The following CAV2 variants were observed in gnomAD, a reference collection of about 807,000 sequenced individuals.
The protein encoded by CAV2 is caveolin 2, also known as caveolin-2.
CAV2 carries 7 observed loss-of-function variants against 15.5 expected under a neutral mutation model. That is an observed-to-expected ratio of 0.45 (90% CI 0.26 to 0.85). The LOEUF (loss-of-function observed/expected upper bound fraction) is 0.85, where lower values mean the gene tolerates loss of function less well. CAV2 is among the 40% of genes least tolerant of loss of function. CAV2 has a pLI of 0.18. For synonymous variants in CAV2, 76 were observed against 83.1 expected, an observed-to-expected ratio of 0.91 and a Z score of 0.46; for missense variants, 229 against 208.8, an observed-to-expected ratio of 1.10 and a Z score of -0.60.
intron 2 of CAV2, among the ~76,000 whole-genome samples, chr7:116,502,851 GTCA>G (rs1793135867): frequency 6.6e-6 from 1 of 152,188 alleles, no homozygotes; most frequent in African/African-American, 2.4e-5. Context: ...CCATACTACA[GTCA>G]GACAGAGATA....
chr7:116,505,983 T>C lies in CAV2; in HGVS notation c.351T>C (p.Pro117=), dbSNP rs1315988791. ...TCCTTCCTTCCAGGATTTTAATGCCTTTTGTAAAGACCTGCCTAATGGTTC... is the reference window on the plus strand; with the variant it reads ...TCCTTCCTTCCAGGATTTTAATGCCCTTTGTAAAGACCTGCCTAATGGTTC... ...LSCLHIWILM[P]FVKTCLMVLP... The change falls in exon 3 of 3, where the codon CCT becomes CCC. Residue 117 remains proline, a synonymous_variant. Transcript: ENST00000222693. 4 of 1,612,316 alleles carry C rather than the reference T, an allele frequency of 2.5e-6. No individual in the cohort carries two copies. Among genetic ancestry groups the C allele is most frequent in the Non-Finnish European group, 3.4e-6 (4 of 1,178,978 alleles).
intron 2 of CAV2, among the ~76,000 whole-genome samples, chr7:116,502,246 A>C (rs962043483): frequency 1.3e-5 from 2 of 152,256 alleles, no homozygotes; most frequent in Non-Finnish European, 2.9e-5. Context: ...GCCTCTCTCC[A>C]GCTGGCTCTT....
intron 2 of CAV2, among the ~76,000 whole-genome samples, chr7:116,503,293 A>C (rs1051787007): frequency 3.3e-5 from 5 of 152,008 alleles, no homozygotes; most frequent in African/African-American, 1.2e-4. Flanking sequence ...TGAGAACCCA[A>C]CTTAAGTTTG....
chr7:116,506,840 G>A lies in CAV2; in HGVS notation c.*719G>A, dbSNP rs1430510886. 1 of 152,146 alleles carries A rather than the reference G, an allele frequency of 6.6e-6. No homozygotes were observed. Among genetic ancestry groups the A allele is most frequent in the Non-Finnish European group, 1.5e-5 (1 of 68,020 alleles). 9.4% of individuals were successfully genotyped at this position (152,146 alleles called of 1,614,324 possible). A position where few individuals can be genotyped will look rare whatever the true frequency, so the allele number is the denominator to read the frequency against. On this transcript the variant is annotated 3_prime_UTR_variant, in exon 3 of 3. Coordinates refer to ENST00000222693, the MANE Select transcript of CAV2 (RefSeq NM_001233.5). ...CTAATATATGAAATAAGTAAATGTA[G>A]CTCCCACAAGGTAAACTTCATTGGT...
At position 116,500,003 on chromosome 7, in the gene CAV2, T is replaced by C. The variant is rs1793053710; in HGVS notation, c.150+72T>C. ...GTGCGGGCGCCCCTCAGCCCCGCCC[T>C]AACCCGTCCCACCATTGCTACCGGG... On this transcript the variant is annotated intron_variant, in intron 1 of 2. Transcript: ENST00000222693. The C allele has an allele frequency of 6.4e-6, 10 of 1,553,278 alleles. No individual in the cohort carries two copies. In the South Asian group the frequency reaches 8.5e-5, roughly 13 times the overall value.
At chr7:116,505,344 A>G (rs2116135153) in intron 2 of CAV2, among the ~76,000 whole-genome samples, 1 of 152,328 alleles carries the variant, frequency 6.6e-6, no homozygotes, top group African/African-American at 2.4e-5. Context: ...TAGAAAGAAT[A>G]TTAGTGTTTA....
chr7:116,503,093 C>T (rs1328263846), intron 2 of CAV2, among the ~76,000 whole-genome samples: 1 of 151,544 alleles, frequency 6.6e-6, no homozygotes, highest in Non-Finnish European at 1.5e-5. Flanking sequence ...AAATAAAAGT[C>T]TCTATCCTAT....
In CAV2 at chr7:116,508,189, T is replaced by A. The variant is rs946921190; in HGVS notation, c.*2068T>A. ...AAAACATTTTTTATACATTTGGTTATGTTGATAAACCAAAAACATTTGATT... is the reference window on the plus strand; with the variant it reads ...AAAACATTTTTTATACATTTGGTTAAGTTGATAAACCAAAAACATTTGATT... On this transcript the variant is annotated 3_prime_UTR_variant, in exon 3 of 3. Transcript: ENST00000222693. The A allele has an allele frequency of 7.2e-5, 11 of 152,360 alleles. No homozygotes were observed. The highest frequency in any genetic ancestry group is 2.6e-4 in the African/African-American group (11 of 41,580). 9.4% of individuals were successfully genotyped at this position (152,360 alleles called of 1,614,324 possible). A position where few individuals can be genotyped will look rare whatever the true frequency, so the allele number is the denominator to read the frequency against.
intron 2 of CAV2, among the ~76,000 whole-genome samples, chr7:116,505,722 G>A (rs1422779227): frequency 3.3e-5 from 5 of 152,090 alleles, no homozygotes; most frequent in Non-Finnish European, 7.4e-5. Context: ...ATTCATGAGG[G>A]ATCTACCCGC....
Position 116,500,453 on chromosome 7 carries a change from A to G in CAV2, c.338+6A>G, listed in dbSNP as rs1206338168. 1.2e-6 allele frequency: 2 copies of G among 1,609,354 alleles called. No homozygotes were observed. Among genetic ancestry groups the G allele is most frequent in the Non-Finnish European group, 1.7e-6 (2 of 1,178,028 alleles). On this transcript the variant is annotated splice_donor_region_variant and intron_variant, in intron 2 of 2. Transcript: ENST00000222693. ...CTCAGCTGTCTGCACATCTGGTGAG[A>G]CGGGGCACACCGGGTGGACCGGCTT...
rs185774332 is a variant in CAV2 at position 116,503,505 on chromosome 7, A to T, written c.339-2466A>T. Among the ~76,000 whole-genome samples, 36 of 152,188 alleles carry T rather than the reference A, an allele frequency of 2.4e-4. No individual in the cohort carries two copies. The East Asian group carries it at 6.6e-3, about 28-fold the overall frequency. ...GATCTAAGGAGTCACGGAGATAGAA[A>T]ATTTGTTAGCCTAAGGAAGAATAGA... On this transcript the variant is annotated intron_variant, in intron 2 of 2. Transcript: ENST00000222693.
Position 116,506,914 on chromosome 7 carries a change from A to T in CAV2, c.*793A>T, listed in dbSNP as rs1429260770. 1 of 152,224 alleles carries T rather than the reference A, an allele frequency of 6.6e-6. No homozygotes were observed. Among genetic ancestry groups the T allele is most frequent in the Non-Finnish European group, 1.5e-5 (1 of 68,022 alleles). The allele number at this position is 152,224 out of a possible 1,614,324, so 9.4% of individuals were successfully genotyped here. ...TAAGCATTTGTACATCTTCTTTGGA[A>T]ATAAAAGATAAAAGAGCGATACACA... is the stretch of plus-strand genomic sequence containing the variant. On this transcript the variant is annotated 3_prime_UTR_variant, in exon 3 of 3. Coordinates refer to ENST00000222693, the MANE Select transcript of CAV2 (RefSeq NM_001233.5).
Position 116,499,808 on chromosome 7 carries a change from C to G in CAV2, c.27C>G (p.Asp9Glu), listed in dbSNP as rs376022615. The change falls in exon 1 of 3, where the codon GAC (aspartate) becomes GAG (glutamate). Residue 9 changes from aspartate to glutamate, a missense_variant. Asp to Glu is a conservative substitution (Grantham distance 45). Coordinates refer to ENST00000222693, the MANE Select transcript of CAV2 (RefSeq NM_001233.5). ...TGGGGCTGGAGACGGAGAAGGCGGA[C>G]GTACAGCTCTTCATGGACGACGACT... MGLETEKA[D>E]VQLFMDDDSY... is the part of the protein sequence containing the mutation. The G allele has an allele frequency of 8.8e-6, 14 of 1,591,088 alleles. No homozygotes were observed. The African/African-American group carries it at 1.9e-4, about 21-fold the overall frequency.
chr7:116,508,104 T>C lies in CAV2; in HGVS notation c.*1983T>C, dbSNP rs187533399. 2.0e-5 allele frequency: 3 copies of C among 152,354 alleles called. No individual in the cohort carries two copies. The highest frequency in any genetic ancestry group is 2.9e-5 in the Non-Finnish European group (2 of 68,030). 9.4% of individuals were successfully genotyped at this position (152,354 alleles called of 1,614,324 possible). A position where few individuals can be genotyped will look rare whatever the true frequency, so the allele number is the denominator to read the frequency against. ...CCACTCATTTTGACCATATAGATTTTATTATGTTAGTTTAAAAGGTCAATC... is the reference window on the plus strand; with the variant it reads ...CCACTCATTTTGACCATATAGATTTCATTATGTTAGTTTAAAAGGTCAATC... On this transcript the variant is annotated 3_prime_UTR_variant, in exon 3 of 3. Coordinates refer to ENST00000222693, the MANE Select transcript of CAV2 (RefSeq NM_001233.5).
Position 116,500,408 on chromosome 7 carries a change from C to G in CAV2, c.299C>G (p.Ala100Gly). The G allele has an allele frequency of 6.2e-7, 1 of 1,613,978 alleles. No homozygotes were observed. The highest frequency in any genetic ancestry group is 8.5e-7 in the Non-Finnish European group (1 of 1,179,924). The change falls in exon 2 of 3, where the codon GCG becomes GGG. Residue 100 changes from alanine (A) to glycine (G), a missense_variant. Ala to Gly is a moderately conservative substitution (Grantham distance 60, BLOSUM62 0). Transcript: ENST00000222693. ...CTGGCCATTCCCCTGGCCTTCATTG[C>G]GGGAATTCTCTTTGCCACCCTCAGC... ...VFLAIPLAFIAGILFATLSCL... is the reference protein window; with the variant it reads ...VFLAIPLAFIGGILFATLSCL...
At chr7:116,499,973 G>C in intron 1 of CAV2, 42 bp downstream of exon 1, 5 of 1,594,568 alleles carry the variant, frequency 3.1e-6, no homozygotes, top group East Asian at 2.3e-5. Context: ...CGCTGAGGCC[G>C]GGAGGTGCGG....
chr7:116,503,374 G>A (rs1432246750), intron 2 of CAV2, among the ~76,000 whole-genome samples: 1 of 152,018 alleles, frequency 6.6e-6, no homozygotes, highest in Non-Finnish European at 1.5e-5. Flanking sequence ...AAATCCAAAT[G>A]AGTTAACAAC....
intron 2 of CAV2, among the ~76,000 whole-genome samples, chr7:116,504,640 C>T (rs1350870375): frequency 6.6e-6 from 1 of 152,148 alleles, no homozygotes; most frequent in Non-Finnish European, 1.5e-5. Flanking sequence ...CTTATGCCCA[C>T]CCAGGTAATA....
intron 2 of CAV2, among the ~76,000 whole-genome samples, chr7:116,503,427 T>C (rs2116126755): frequency 6.6e-6 from 1 of 152,314 alleles, no homozygotes; most frequent in African/African-American, 2.4e-5. Flanking sequence ...ACTGCTTTGC[T>C]GAACAAGAAG....
Sources: gnomAD v4.1 joint callset for allele counts (sites outside exome capture counted in the v4.1 genomes callset) on GRCh38, gnomAD v4.1.1 for gene constraint, MANE v1.5 for transcripts, NCBI Gene and HGNC (gene_info 2026-07-23, HGNC 2026-07-21) for gene names.